TTC19: variants seen among roughly 807,000 people sequenced by gnomAD.
TTC19 encodes the protein tetratricopeptide repeat domain 19.
Under a neutral mutation model 49.5 loss-of-function variants are expected in TTC19, and 38 were observed. The ratio of observed to expected loss-of-function variants is 0.77; its 90% CI spans 0.59 to 1.01. The LOEUF (loss-of-function observed/expected upper bound fraction) is 1.01, where lower values mean the gene tolerates loss of function less well. Ranked by LOEUF, TTC19 falls within the 50% of genes least tolerant of loss-of-function variation. The pLI, the probability that TTC19 is intolerant of heterozygous loss-of-function variation, is 0.00. For missense variants in TTC19, 475 were observed against 477.7 expected (o/e 0.99, Z 0.05); for synonymous variants, 204 against 185.2 (o/e 1.10, Z -0.83).
chr17:16,028,490 G>C lies in TTC19; in HGVS notation c.*968G>C. 2.2e-6 allele frequency: 1 copy of C among 454,036 alleles called. No homozygotes were observed. Among genetic ancestry groups the C allele is most frequent in the Non-Finnish European group, 4.4e-6 (1 of 226,780 alleles). 28.1% of individuals were successfully genotyped at this position (454,036 alleles called of 1,614,324 possible). ...CTGGGATTCTTTCTTAGCTGTGGGG[G>C]AAGGTATTTGGTTAGATGACTTTGA... On this transcript the variant is annotated 3_prime_UTR_variant, in exon 10 of 10. Coordinates refer to ENST00000261647, the MANE Select transcript of TTC19 (RefSeq NM_017775.4).
chr17:16,009,953 T>C (rs1180654951), intron 7 of TTC19, among the ~76,000 whole-genome samples: 1 of 152,106 alleles, frequency 6.6e-6, no homozygotes, highest in Non-Finnish European at 1.5e-5. Flanking sequence ...AGTGATTCTC[T>C]TTGGTTGGTA....
chr17:15,999,853 T>G lies in TTC19; in HGVS notation c.5T>G (p.Phe2Cys), dbSNP rs1297530982. The G allele has an allele frequency of 6.6e-7, 1 of 1,517,304 alleles. No homozygotes were observed. Among genetic ancestry groups the G allele is most frequent in the Non-Finnish European group, 8.8e-7 (1 of 1,140,170 alleles). The allele number at this position is 1,517,304 out of a possible 1,614,324, so 94.0% of individuals were successfully genotyped here. Residue 2 changes from phenylalanine (F) to cysteine (C), a missense_variant, in exon 1 of 10, where the codon TTC becomes TGC. Phe to Cys is a radical substitution (Grantham distance 205). Coordinates refer to ENST00000261647, the MANE Select transcript of TTC19 (RefSeq NM_017775.4). MFRLLSWSLGRG... is the reference protein window; with the variant it reads MCRLLSWSLGRG... ...CGCAGAGGACGCGGCGGGAGCATGTTCCGGCTCCTGAGCTGGAGCCTGGGC... is the reference window on the plus strand; with the variant it reads ...CGCAGAGGACGCGGCGGGAGCATGTGCCGGCTCCTGAGCTGGAGCCTGGGC...
chr17:16,030,110 A>G (rs569547865), downstream of TTC19: 2 of 181,548 alleles, frequency 1.1e-5, no homozygotes, highest in East Asian at 1.8e-4. Flanking sequence ...CATATTTTGT[A>G]TATGTATTAT....
rs751874978 is a variant in TTC19 at position 16,029,156 on chromosome 17, G to A, written c.*1634G>A. The A allele has an allele frequency of 6.0e-5, 27 of 452,980 alleles. No homozygotes were observed. Among genetic ancestry groups the A allele is most frequent in the African/African-American group, 2.8e-4 (14 of 50,000 alleles). 28.1% of individuals were successfully genotyped at this position (452,980 alleles called of 1,614,324 possible). On this transcript the variant is annotated 3_prime_UTR_variant, in exon 10 of 10. Coordinates refer to ENST00000261647, the MANE Select transcript of TTC19 (RefSeq NM_017775.4). The stretch of plus-strand genomic sequence containing the variant: ...TCACAACTGCAGGGGTTACTGAAAG[G>A]TTTTTCATTCCAAGTTTTATTTATT...
Position 16,039,811 on chromosome 17 carries a change from CAG to C in TTC19, c.248-4689_248-4688del, listed in dbSNP as rs2057207744. ...ACACAGAGACCTTTTTTTTTGGAGA[CAG>C]AGTCTCTCTCTGTCGCACCCAGGCT... On this transcript the variant is annotated intron_variant, in intron 2 of 2. Coordinates refer to the TTC19 transcript ENST00000470649. The C allele has an allele frequency of 2.6e-5, 17 of 657,440 alleles. No homozygotes were observed. The South Asian group carries it at 3.2e-4, about 13-fold the overall frequency. 40.7% of individuals were successfully genotyped at this position (657,440 alleles called of 1,614,324 possible).
rs1567589530 is a variant in TTC19, at chr17:16,028,236, ACT to A, written c.*717_*718del. 2.2e-6 allele frequency: 1 copy of A among 454,002 alleles called. No individual in the cohort carries two copies. Among genetic ancestry groups the A allele is most frequent in the South Asian group, 1.6e-5 (1 of 64,478 alleles). The allele number at this position is 454,002 out of a possible 1,614,324, so 28.1% of individuals were successfully genotyped here. On this transcript the variant is annotated 3_prime_UTR_variant, in exon 10 of 10. Transcript: ENST00000261647. ...AACCTTTTGTCTGTGTTATCTGAAC[ACT>A]CTACTTCCTTTGCAGCCTTAGTCAC...
At position 16,026,623 on chromosome 17, in the gene TTC19, A is replaced by G; in HGVS notation, c.915A>G (p.Ala305=). 6.2e-7 allele frequency: 1 copy of G among 1,613,706 alleles called. No homozygotes were observed. The highest frequency in any genetic ancestry group is 1.1e-5 in the South Asian group (1 of 91,066). Residue 305 remains alanine (A), a synonymous_variant, in exon 9 of 10, where the codon GCA becomes GCG. Transcript: ENST00000261647. ...AGGCCTATATTTATATGCAAAGGGC[A>G]TCAGATCTGGCAAGACAGATAAATC... ...FDEAYIYMQR[A]SDLARQINHP...
intron 2 of TTC19, among the ~76,000 whole-genome samples, chr17:16,001,290 A>G (rs1417039643): frequency 6.6e-6 from 1 of 152,122 alleles, no homozygotes; most frequent in East Asian, 1.9e-4. Flanking sequence ...TACCTTGCCC[A>G]CCCATTTGGC....
At position 16,006,422 on chromosome 17, in the gene TTC19, G is replaced by T. The variant is rs993734735; in HGVS notation, c.582-52G>T. 1.6e-5 allele frequency: 18 copies of T among 1,149,172 alleles called. No individual in the cohort carries two copies. The African/African-American group carries it at 2.5e-4, about 16-fold the overall frequency. 71.2% of individuals were successfully genotyped at this position (1,149,172 alleles called of 1,614,324 possible). A position where few individuals can be genotyped will look rare whatever the true frequency, so the allele number is the denominator to read the frequency against. ...CGAAACTCCATCTCAACAGAAGGAA[G>T]AAAAAAAAAAGAAGAAAAGGTAAAT... On this transcript the variant is annotated intron_variant, in intron 6 of 9. Coordinates refer to ENST00000261647, the MANE Select transcript of TTC19 (RefSeq NM_017775.4).
exon 3 of TTC19, chr17:16,044,714 G>A (rs544341098): frequency 1.8e-5 from 13 of 719,068 alleles, no homozygotes; most frequent in Middle Eastern, 7.8e-4. Context: ...CAATGCCCTC[G>A]TTAAAGCAGC....
At chr17:16,030,172 G>T, downstream of TTC19, 1 of 206,336 alleles carries the variant, frequency 4.8e-6, no homozygotes, top group Non-Finnish European at 9.7e-6. Context: ...TGTTTGTTAA[G>T]ATTATAAGGA....
At position 16,028,731 on chromosome 17, in the gene TTC19, G is replaced by C. The variant is rs1353742940; in HGVS notation, c.*1209G>C. 2.3e-6 allele frequency: 1 copy of C among 435,620 alleles called. No individual in the cohort carries two copies. The highest frequency in any genetic ancestry group is 7.1e-5 in the East Asian group (1 of 14,028). 27.0% of individuals were successfully genotyped at this position (435,620 alleles called of 1,614,324 possible). A position where few individuals can be genotyped will look rare whatever the true frequency, so the allele number is the denominator to read the frequency against. ...GTGGGACTGATAAACTGATACTTTT[G>C]GTTCGTATGTACATACTGGAAGAAT... is the stretch of plus-strand genomic sequence containing the variant. On this transcript the variant is annotated 3_prime_UTR_variant, in exon 10 of 10. Coordinates refer to ENST00000261647, the MANE Select transcript of TTC19 (RefSeq NM_017775.4).
At position 16,027,627 on chromosome 17, in the gene TTC19, A is replaced by C. The variant is rs755293198; in HGVS notation, c.*105A>C. ...ATGGCTTAAATCTGTCGTTTTTGATATTCAGGTTTCCTCAATTTAGCCTTA... is the reference window on the plus strand; with the variant it reads ...ATGGCTTAAATCTGTCGTTTTTGATCTTCAGGTTTCCTCAATTTAGCCTTA... On this transcript the variant is annotated 3_prime_UTR_variant, in exon 10 of 10. Transcript: ENST00000261647. 4.0e-5 allele frequency: 55 copies of C among 1,387,062 alleles called. No homozygotes were observed. The African/African-American group carries it at 7.7e-4, about 19-fold the overall frequency. The allele number at this position is 1,387,062 out of a possible 1,614,324, so 85.9% of individuals were successfully genotyped here. A position where few individuals can be genotyped will look rare whatever the true frequency, so the allele number is the denominator to read the frequency against.
chr17:16,030,345 T>G (rs960559601), downstream of TTC19: 3 of 221,072 alleles, frequency 1.4e-5, no homozygotes, highest in African/African-American at 2.2e-5. Flanking sequence ...ACCCACACAG[T>G]TCAAACCCGT....
chr17:16,025,569 C>A (rs934638172), intron 8 of TTC19, among the ~76,000 whole-genome samples: 1 of 152,118 alleles, frequency 6.6e-6, no homozygotes, highest in Admixed American at 6.5e-5. Flanking sequence ...GTTAAAATGG[C>A]AAGAGGTGAG....
intron 7 of TTC19, among the ~76,000 whole-genome samples, chr17:16,017,369 A>G (rs1321319139): frequency 6.6e-6 from 1 of 151,402 alleles, no homozygotes; most frequent in Non-Finnish European, 1.5e-5. Flanking sequence ...GAATGGCACG[A>G]ACCCAGAAGC....
chr17:16,028,484 G>A lies in TTC19; in HGVS notation c.*962G>A, dbSNP rs980840228. The A allele has an allele frequency of 2.2e-6, 1 of 453,946 alleles. No homozygotes were observed. Among genetic ancestry groups the A allele is most frequent in the African/African-American group, 2.0e-5 (1 of 49,986 alleles). The allele number at this position is 453,946 out of a possible 1,614,324, so 28.1% of individuals were successfully genotyped here. ...GAAACACTGGGATTCTTTCTTAGCT[G>A]TGGGGGAAGGTATTTGGTTAGATGA... On this transcript the variant is annotated 3_prime_UTR_variant, in exon 10 of 10. Coordinates refer to ENST00000261647, the MANE Select transcript of TTC19 (RefSeq NM_017775.4).
Position 16,025,093 on chromosome 17 carries a change from G to A in TTC19, c.753G>A (p.Lys251=). 1 of 1,613,932 alleles carries A rather than the reference G, an allele frequency of 6.2e-7. No homozygotes were observed. The highest frequency in any genetic ancestry group is 8.5e-7 in the Non-Finnish European group (1 of 1,179,858). Residue 251 remains lysine (K), a synonymous_variant, in exon 8 of 10, where the codon AAG becomes AAA. Transcript: ENST00000261647. Reference sequence around the variant, plus strand: ...GTGCTCGCTACCTTCTGTTCTCCAAGCAGCCGTCACAGGCACAAAGGATGT... The same window carrying A: ...GTGCTCGCTACCTTCTGTTCTCCAAACAGCCGTCACAGGCACAAAGGATGT... ...DACARYLLFS[K]QPSQAQRMYE...
intron 6 of TTC19, among the ~76,000 whole-genome samples, chr17:16,006,053 T>G (rs1050485842): frequency 6.6e-6 from 1 of 152,228 alleles, no homozygotes; most frequent in Non-Finnish European, 1.5e-5. Flanking sequence ...CTTCCCATTT[T>G]ACACTTCCTT....
Sources: allele counts gnomAD v4.1 joint callset (sites outside exome capture counted in the v4.1 genomes callset), GRCh38; gene constraint gnomAD v4.1.1; transcripts MANE v1.5; gene names NCBI Gene and HGNC (gene_info 2026-07-23, HGNC 2026-07-21).